RAPGEF3: variants seen among roughly 807,000 people sequenced by gnomAD.
RAPGEF3 encodes the protein 9330170P05Rik.
In RAPGEF3, 103 loss-of-function variants were observed where a neutral mutation model predicts 129.8. The ratio of observed to expected loss-of-function variants is 0.79; its 90% CI spans 0.68 to 0.93. RAPGEF3 has a LOEUF of 0.93. RAPGEF3 is among the 40% of genes least tolerant of loss of function. The probability of loss-of-function intolerance (pLI) is 0.00; values close to 1 mark genes in which losing one functional copy is unlikely to be tolerated. For synonymous variants in RAPGEF3, 436 were observed against 482.6 expected (o/e 0.90, Z 1.26); for missense variants, 1,117 against 1,207.4 (o/e 0.93, Z 1.11).
chr12:47,754,997 G>C (rs1215275758), intron 2 of RAPGEF3, among the ~76,000 whole-genome samples: 1 of 152,236 alleles, frequency 6.6e-6, no homozygotes, highest in East Asian at 1.9e-4. Context: ...GGACCTGTCA[G>C]ACCAGTTCCC....
rs775402182 is a variant in RAPGEF3 at position 47,738,175 on chromosome 12, G to A, written c.2581+18C>T. On this transcript the variant is annotated intron_variant, in intron 26 of 27. Transcript: ENST00000449771. ...TGTAGGGTGGGGGACCTCCCACCCC[G>A]GGGACCCGCCCTCTCACCAGGGTTG... 4.5e-5 allele frequency: 71 copies of A among 1,563,842 alleles called. 1 individual carries two copies. In the South Asian group the frequency reaches 5.9e-4, roughly 13 times the overall value.
At position 47,738,002 on chromosome 12, in the gene RAPGEF3, C is replaced by A. The variant is rs1372574645; in HGVS notation, c.2653+20G>T. The A allele has an allele frequency of 1.9e-6, 3 of 1,610,376 alleles. No homozygotes were observed. The highest frequency in any genetic ancestry group is 2.7e-5 in the African/African-American group (2 of 74,982). ...CATAAGCACCCCCTCCCTGCCCACC[C>A]ACCATCGCCCACCACTTACATGTGG... On this transcript the variant is annotated intron_variant, in intron 27 of 27. Coordinates refer to ENST00000449771, the MANE Select transcript of RAPGEF3 (RefSeq NM_001098531.4).
intron 2 of RAPGEF3, 123 bp from the exon 3 acceptor site, chr12:47,752,092 C>T: frequency 9.9e-7 from 1 of 1,008,982 alleles, no homozygotes; most frequent in Non-Finnish European, 1.5e-6. Flanking sequence ...ATCCATGTGG[C>T]CACTCCTTCA....
chr12:47,738,627 C>T, intron 25 of RAPGEF3, 63 bp downstream of exon 25: 1 of 1,431,030 alleles, frequency 7.0e-7, no homozygotes, highest in Non-Finnish European at 9.9e-7. Context: ...CTGCCCCTTC[C>T]CAGGCCACAG....
intron 2 of RAPGEF3, among the ~76,000 whole-genome samples, chr12:47,757,329 T>C (rs1942133478): frequency 6.6e-6 from 1 of 152,172 alleles, no homozygotes; most frequent in Non-Finnish European, 1.5e-5. Context: ...ACTTTGGTGA[T>C]CTCAGATTCT....
intron 1 of RAPGEF3, 125 bp downstream of exon 1, chr12:47,758,426 T>TA (rs1266585694): frequency 1.9e-6 from 3 of 1,557,324 alleles, no homozygotes; most frequent in African/African-American, 2.7e-5. Context: ...AGCTTCGGCT[T>TA]AAACCCTTCT....
At chr12:47,751,019 G>A (rs368294046) in intron 6 of RAPGEF3, 29 bp downstream of exon 6, 1 of 1,587,606 alleles carries the variant, frequency 6.3e-7, no homozygotes, top group East Asian at 2.3e-5. Flanking sequence ...TGAGGCCTGG[G>A]GTCACGGGGT....
Position 47,758,726 on chromosome 12 carries a change from A to G in RAPGEF3, c.-170T>C. The G allele has an allele frequency of 8.5e-7, 1 of 1,171,886 alleles. No homozygotes were observed. Among genetic ancestry groups the G allele is most frequent in the Non-Finnish European group, 1.1e-6 (1 of 932,530 alleles). The allele number at this position is 1,171,886 out of a possible 1,614,324, so 72.6% of individuals were successfully genotyped here. Reference sequence around the variant, plus strand: ...ACTGGCTGCCAGGGCAGCAGGATGCAGGGCTCGGTGGAGAGGCTCCTCTTG... The same window carrying G: ...ACTGGCTGCCAGGGCAGCAGGATGCGGGGCTCGGTGGAGAGGCTCCTCTTG... On this transcript the variant is annotated 5_prime_UTR_variant, in exon 1 of 28. Coordinates refer to ENST00000449771, the MANE Select transcript of RAPGEF3 (RefSeq NM_001098531.4).
intron 18 of RAPGEF3, among the ~76,000 whole-genome samples, chr12:47,742,907 C>T (rs955502616): frequency 3.3e-5 from 5 of 152,204 alleles, no homozygotes; most frequent in African/African-American, 7.2e-5. Flanking sequence ...ATTGCTGGCT[C>T]ATAGCTGATC....
chr12:47,751,094 A>G lies in RAPGEF3; in HGVS notation c.625T>C (p.Ser209Pro), dbSNP rs1941712917. The change falls in exon 6 of 28, where the codon TCC becomes CCC. Residue 209 changes from serine to proline, a missense_variant. This residue lies in a region of RAPGEF3 where 367 missense variants were observed against 373.4 expected (regional missense o/e 0.98). Coordinates refer to ENST00000449771, the MANE Select transcript of RAPGEF3 (RefSeq NM_001098531.4). Reference protein sequence around the residue: ...EELAEAVALLSQRGPDALLTV... With the variant: ...EELAEAVALLPQRGPDALLTV... ...AGCAGGGCGTCAGGCCCCCGCTGGG[A>G]GAGCAGGGCCACAGCTTCGGCCAAC... 1 of 1,591,808 alleles carries G rather than the reference A, an allele frequency of 6.3e-7. No individual in the cohort carries two copies. The highest frequency in any genetic ancestry group is 8.5e-7 in the Non-Finnish European group (1 of 1,170,130).
chr12:47,735,201 C>T lies in RAPGEF3; in HGVS notation c.*2366G>A, dbSNP rs943913965. Reference sequence around the variant, plus strand: ...TAAAGGACTGATCTAGGGCCACACTCCCTTTCTGCACACCTTCTTCTCAGC... The same window carrying T: ...TAAAGGACTGATCTAGGGCCACACTTCCTTTCTGCACACCTTCTTCTCAGC... On this transcript the variant is annotated 3_prime_UTR_variant, in exon 28 of 28. Coordinates refer to ENST00000449771, the MANE Select transcript of RAPGEF3 (RefSeq NM_001098531.4). 2 of 152,274 alleles carry T rather than the reference C, an allele frequency of 1.3e-5. No individual in the cohort carries two copies. Among genetic ancestry groups the T allele is most frequent in the African/African-American group, 4.8e-5 (2 of 41,428 alleles). The allele number at this position is 152,274 out of a possible 1,614,324, so 9.4% of individuals were successfully genotyped here. A position where few individuals can be genotyped will look rare whatever the true frequency, so the allele number is the denominator to read the frequency against.
chr12:47,746,922 G>T, intron 15 of RAPGEF3, 23 bp from the exon 16 acceptor site: 7 of 1,602,516 alleles, frequency 4.4e-6, no homozygotes, highest in Non-Finnish European at 5.1e-6. Flanking sequence ...GAGAAGGGAG[G>T]TGAGTGAGCC....
At chr12:47,739,764 AG>A in intron 23 of RAPGEF3, 2 of 388,632 alleles carry the variant, frequency 5.1e-6, no homozygotes, top group South Asian at 5.3e-5. Context: ...AGGGGCAGAC[AG>A]GCCCTGGTGC....
rs199517036 is a variant in RAPGEF3, at chr12:47,748,470, A to C, written c.1227T>G (p.Ser409Arg). 6.2e-7 allele frequency: 1 copy of C among 1,613,644 alleles called. No homozygotes were observed. Among genetic ancestry groups the C allele is most frequent in the East Asian group, 2.2e-5 (1 of 44,882 alleles). Reference sequence around the variant, plus strand: ...TGCCCTTACCTGTTGGGTCATGAGCACTGGAATCTGGTCCCATGGCCTCCA... The same window carrying C: ...TGCCCTTACCTGTTGGGTCATGAGCCCTGGAATCTGGTCCCATGGCCTCCA... The part of the protein sequence containing the change: ...LLLEAMGPDS[S>R]AHDPTETFLS... The change falls in exon 12 of 28, where the codon AGT becomes AGG. Residue 409 changes from serine to arginine, a missense_variant. This residue lies in a region of RAPGEF3 where 643 missense variants were observed against 673.4 expected (regional missense o/e 0.95). Transcript: ENST00000449771.
intron 2 of RAPGEF3, among the ~76,000 whole-genome samples, chr12:47,756,936 T>G (rs1942098225): frequency 6.7e-6 from 1 of 148,670 alleles, no homozygotes; most frequent in South Asian, 2.1e-4. Context: ...TTCACTGCAC[T>G]CCAGCCTGGT....
In RAPGEF3 at chr12:47,738,042, T is replaced by C. The variant is rs769925470; in HGVS notation, c.2633A>G (p.Gln878Arg). The part of the protein sequence containing the change: ...SRVSHLHEDS[Q>R]VARISTCSEQ... ...CTTACATGTGGAAATCCTCGCCACC[T>C]GGCTGTCCTCGTGGAGGTGGGAAAC... Residue 878 changes from glutamine (Q) to arginine (R), a missense_variant, in exon 27 of 28, where the codon CAG becomes CGG. Physicochemically the swap from Gln to Arg is conservative, Grantham distance 43 (BLOSUM62 1). Transcript: ENST00000449771. The C allele has an allele frequency of 1.7e-5, 23 of 1,370,698 alleles. No individual in the cohort carries two copies. Among genetic ancestry groups the C allele is most frequent in the Admixed American group, 1.2e-4 (6 of 52,058 alleles). 84.9% of individuals were successfully genotyped at this position (1,370,698 alleles called of 1,614,324 possible). A position where few individuals can be genotyped will look rare whatever the true frequency, so the allele number is the denominator to read the frequency against.
Position 47,751,055 on chromosome 12 carries a change from G to A in RAPGEF3, c.664C>T (p.Arg222Ter), listed in dbSNP as rs754730560. The A allele has an allele frequency of 4.1e-5, 66 of 1,597,532 alleles. No homozygotes were observed. The highest frequency in any genetic ancestry group is 5.0e-5 in the Non-Finnish European group (59 of 1,173,144). The change falls in exon 6 of 28, where the codon CGA becomes TGA. Residue 222 changes from arginine to a stop codon, truncating the protein, a stop_gained. Coordinates refer to ENST00000449771, the MANE Select transcript of RAPGEF3 (RefSeq NM_001098531.4). LOFTEE classifies it high-confidence loss of function. ...GPDALLTVALRKPPGQRTDEE... is the reference protein window; with the variant it reads ...GPDALLTVAL ...GCAGGGATTCTGACTCACGGCTTTC[G>A]AAGTGCCACAGTGAGCAGGGCGTCA...
chr12:47,751,343 T>C, intron 5 of RAPGEF3, 56 bp downstream of exon 5: 8 of 1,608,928 alleles, frequency 5.0e-6, no homozygotes, highest in Non-Finnish European at 6.8e-6. Context: ...TGCCCTGTCC[T>C]GTCCCCCTCA....
At chr12:47,758,448 C>G (rs910580692) in intron 1 of RAPGEF3, 103 bp downstream of exon 1, 4 of 1,582,490 alleles carry the variant, frequency 2.5e-6, no homozygotes, top group Non-Finnish European at 3.4e-6. Flanking sequence ...CTCTCCTCCT[C>G]AGCCCTGACT....
Sources: allele counts gnomAD v4.1 joint callset (sites outside exome capture counted in the v4.1 genomes callset), GRCh38; gene constraint gnomAD v4.1.1; regional missense constraint gnomAD v4.1.1; transcripts MANE v1.5; gene names NCBI Gene and HGNC (gene_info 2026-07-23, HGNC 2026-07-21).